Variants in IZUMO3 observed in about 807,000 individuals in gnomAD.
IZUMO3 encodes izumo sperm-egg fusion protein 3.
Under a neutral mutation model 28.4 loss-of-function variants are expected in IZUMO3, and 36 were observed. That is an observed-to-expected ratio of 1.27 (90% CI 0.97 to 1.67). The LOEUF (loss-of-function observed/expected upper bound fraction) is 1.67. Ranked by LOEUF, IZUMO3 falls within the 40% of genes most tolerant of loss-of-function variation. IZUMO3 has a pLI of 0.00. For missense variants in IZUMO3, 387 were observed against 278.5 expected (o/e 1.39, Z -2.77); for synonymous variants, 126 against 99.2 (o/e 1.27, Z -1.61).
rs914777381 is a variant in IZUMO3, at chr9:24,545,790, T to A, written c.-141A>T. 13 of 1,539,902 alleles carry A rather than the reference T, an allele frequency of 8.4e-6. No individual in the cohort carries two copies. Among genetic ancestry groups the A allele is most frequent in the Non-Finnish European group, 1.1e-5 (13 of 1,142,756 alleles). The stretch of plus-strand genomic sequence containing the variant: ...TTTTCCCGCTGTTTCCATCCCACTA[T>A]CGGGCAATCTTTAGTTGTTTAGTTT... On this transcript the variant is annotated 5_prime_UTR_variant, in exon 1 of 7. Transcript: ENST00000543880.
intron 6 of IZUMO3, 68 bp from the exon 7 acceptor site, chr9:24,543,435 A>G (rs1461994246): frequency 1.5e-4 from 11 of 75,516 alleles, no homozygotes; most frequent in Non-Finnish European, 2.5e-4. Context: ...CCAGTTATAC[A>G]TTGTTTTTTT....
intron 4 of IZUMO3, among the ~76,000 whole-genome samples, chr9:24,544,521 A>ACC (rs1472761857): frequency 6.6e-6 from 1 of 152,084 alleles, no homozygotes; most frequent in Non-Finnish European, 1.5e-5. Context: ...TGGGTTGTAA[A>ACC]CCATATGTTA....
chr9:24,544,085 A>T, intron 5 of IZUMO3, 116 bp downstream of exon 5: 1 of 740,734 alleles, frequency 1.4e-6, no homozygotes, highest in East Asian at 2.7e-5. Context: ...TAACACTACC[A>T]TGACCTCCAT....
At chr9:24,544,853 C>T (rs1819548895) in intron 3 of IZUMO3, 93 bp from the exon 4 acceptor site, 1 of 1,367,848 alleles carries the variant, frequency 7.3e-7, no homozygotes, top group Non-Finnish European at 1.0e-6. Context: ...CTTTAAGTTC[C>T]AGTTACCTCT....
At position 24,543,673 on chromosome 9, in the gene IZUMO3, G is replaced by C; in HGVS notation, c.572C>G (p.Ala191Gly). The stretch of plus-strand genomic sequence containing the variant: ...GAGAGAAGAAACTCACAGTAACACA[G>C]CACTTCCCAGTATTACAGCTGTTGC... ...LLATAVILGSAVLLFHFCIFH... is the reference protein window; with the variant it reads ...LLATAVILGSGVLLFHFCIFH... The change falls in exon 6 of 7, where the codon GCT becomes GGT. Residue 191 changes from alanine (A) to glycine (G), a missense_variant. Transcript: ENST00000543880. 1.3e-6 allele frequency: 2 copies of C among 1,544,442 alleles called. No homozygotes were observed. Among genetic ancestry groups the C allele is most frequent in the Non-Finnish European group, 8.8e-7 (1 of 1,141,742 alleles).
At chr9:24,544,582 G>A (rs1465470662) in intron 4 of IZUMO3, among the ~76,000 whole-genome samples, 161 bp downstream of exon 4, 2 of 152,100 alleles carry the variant, frequency 1.3e-5, no homozygotes, top group Admixed American at 6.6e-5. Flanking sequence ...GATTTCATGA[G>A]CTAGGTTTCG....
intron 5 of IZUMO3, 130 bp from the exon 6 acceptor site, chr9:24,543,884 T>A: frequency 1.5e-6 from 1 of 663,682 alleles, no homozygotes; most frequent in Non-Finnish European, 2.6e-6. Context: ...TGTTCCATGC[T>A]TATTTTGACC....
At position 24,543,178 on chromosome 9, in the gene IZUMO3, G is replaced by C. The variant is rs1819488116; in HGVS notation, c.*51C>G. ...GGTTTACCTCCCAGTTTTGTACTTA[G>C]AGTCAACACTTAAGAGAATCATGAA... On this transcript the variant is annotated 3_prime_UTR_variant, in exon 7 of 7. Coordinates refer to ENST00000543880, the MANE Select transcript of IZUMO3 (RefSeq NM_001365008.2). 1 of 1,436,538 alleles carries C rather than the reference G, an allele frequency of 7.0e-7. No individual in the cohort carries two copies. The highest frequency in any genetic ancestry group is 2.6e-5 in the East Asian group (1 of 37,818). 89.0% of individuals were successfully genotyped at this position (1,436,538 alleles called of 1,614,324 possible). A position where few individuals can be genotyped will look rare whatever the true frequency, so the allele number is the denominator to read the frequency against.
chr9:24,545,009 G>A lies in IZUMO3; in HGVS notation c.354C>T (p.Ser118=). Residue 118 remains serine (S), a synonymous_variant, in exon 3 of 7, where the codon TCC becomes TCT. Transcript: ENST00000543880. ...AGTTCTTTAGTAATTCTTTCAGTTT[G>A]GATTCCAGGTTTTGGCAGACATCGA... ...KLLDVCQNLE[S]KLKELLKNFS... 1 of 1,550,572 alleles carries A rather than the reference G, an allele frequency of 6.4e-7. No homozygotes were observed. The highest frequency in any genetic ancestry group is 8.7e-7 in the Non-Finnish European group (1 of 1,146,854).
rs1819549599 is a variant in IZUMO3, at chr9:24,544,881, C to G, written c.391+91G>C. On this transcript the variant is annotated intron_variant, in intron 3 of 6. Transcript: ENST00000543880. ...TTACCTCTCCACCCATTCTAAATAA[C>G]TCTATTATGAACTTGCATTTCTTCC... 4 of 1,326,826 alleles carry G rather than the reference C, an allele frequency of 3.0e-6. No individual in the cohort carries two copies. The South Asian group carries it at 3.8e-5, about 13-fold the overall frequency. 82.2% of individuals were successfully genotyped at this position (1,326,826 alleles called of 1,614,324 possible).
Position 24,543,271 on chromosome 9 carries a change from C to G in IZUMO3, c.678G>C (p.Lys226Asn). ...AGTCTTTCTCCTCCTTCTCATCTATCTTCCCCATTAATTCTTCAAGTTTCT... is the reference window on the plus strand; with the variant it reads ...AGTCTTTCTCCTCCTTCTCATCTATGTTCCCCATTAATTCTTCAAGTTTCT... The part of the protein sequence containing the change: ...VEKKLEELMG[K>N]IDEKEEKDFR... The change falls in exon 7 of 7, where the codon AAG becomes AAC. Residue 226 changes from lysine (K) to asparagine (N), a missense_variant. Physicochemically the swap from Lys to Asn is moderately conservative, Grantham distance 94. Coordinates refer to ENST00000543880, the MANE Select transcript of IZUMO3 (RefSeq NM_001365008.2). 6.5e-7 allele frequency: 1 copy of G among 1,548,126 alleles called. No individual in the cohort carries two copies. Among genetic ancestry groups the G allele is most frequent in the East Asian group, 2.5e-5 (1 of 40,730 alleles).
At position 24,543,217 on chromosome 9, in the gene IZUMO3, A is replaced by C. The variant is rs1300195632; in HGVS notation, c.*12T>G. The C allele has an allele frequency of 4.6e-6, 7 of 1,536,710 alleles. No individual in the cohort carries two copies. Among genetic ancestry groups the C allele is most frequent in the Non-Finnish European group, 6.1e-6 (7 of 1,140,214 alleles). On this transcript the variant is annotated 3_prime_UTR_variant, in exon 7 of 7. Coordinates refer to ENST00000543880, the MANE Select transcript of IZUMO3 (RefSeq NM_001365008.2). The stretch of plus-strand genomic sequence containing the variant: ...GAGAATCATGAAAGACTTCTTGTCC[A>C]TGTTGATGTGTTTATTTTCTGAGTC...
rs934277687 is a variant in IZUMO3, at chr9:24,543,672, A to C, written c.573T>G (p.Ala191=). ...LLATAVILGS[A]VLLFHFCIFH... is the part of the protein sequence containing the mutation. Reference sequence around the variant, plus strand: ...GGAGAGAAGAAACTCACAGTAACACAGCACTTCCCAGTATTACAGCTGTTG... The same window carrying C: ...GGAGAGAAGAAACTCACAGTAACACCGCACTTCCCAGTATTACAGCTGTTG... Residue 191 remains alanine, a synonymous_variant, in exon 6 of 7, where the codon GCT becomes GCG. Coordinates refer to ENST00000543880, the MANE Select transcript of IZUMO3 (RefSeq NM_001365008.2). 3.2e-6 allele frequency: 5 copies of C among 1,543,008 alleles called. No individual in the cohort carries two copies. The highest frequency in any genetic ancestry group is 4.4e-6 in the Non-Finnish European group (5 of 1,140,420).
chr9:24,545,029 C>G lies in IZUMO3; in HGVS notation c.334G>C (p.Val112Leu). The change falls in exon 3 of 7, where the codon GTC becomes CTC. Residue 112 changes from valine (V) to leucine (L), a missense_variant. By Grantham distance (32) the Val-to-Leu change is conservative. Coordinates refer to ENST00000543880, the MANE Select transcript of IZUMO3 (RefSeq NM_001365008.2). ...VFIYQGKLLD[V>L]CQNLESKLKE... ...AGTTTGGATTCCAGGTTTTGGCAGA[C>G]ATCGAGAAGCTTGCCTTGATAGATA... The G allele has an allele frequency of 6.4e-7, 1 of 1,550,734 alleles. No individual in the cohort carries two copies. The highest frequency in any genetic ancestry group is 8.7e-7 in the Non-Finnish European group (1 of 1,146,908).
Position 24,544,966 on chromosome 9 carries a change from A to G in IZUMO3, c.391+6T>C. 6.5e-7 allele frequency: 1 copy of G among 1,540,572 alleles called. No individual in the cohort carries two copies. ...TCAGTGCTGTTATATAGAAAGTTTT[A>G]CTTACCAATTTCAGAGAAGTTCTTT... On this transcript the variant is annotated splice_donor_region_variant and intron_variant, in intron 3 of 6. Transcript: ENST00000543880.
chr9:24,543,517 C>G, intron 6 of IZUMO3, 147 bp downstream of exon 6: 1 of 576,488 alleles, frequency 1.7e-6, no homozygotes, highest in Non-Finnish European at 2.4e-6. Context: ...ATTATCCCGT[C>G]AAACTTTGCA....
chr9:24,544,510 A>T (rs374071840), intron 4 of IZUMO3, among the ~76,000 whole-genome samples: 18 of 152,244 alleles, frequency 1.2e-4, no homozygotes, highest in African/African-American at 4.1e-4. Context: ...TACTGGGGCA[A>T]TGGGTTGTAA....
intron 4 of IZUMO3, 109 bp from the exon 5 acceptor site, chr9:24,544,390 A>G (rs1297056789): frequency 1.3e-6 from 1 of 795,612 alleles, no homozygotes; most frequent in Non-Finnish European, 2.1e-6. Context: ...AGGACTCTCA[A>G]GTTTGCATTG....
rs1819557599 is a variant in IZUMO3, at chr9:24,545,053, T to G, written c.310A>C (p.Ile104Leu). 6.5e-7 allele frequency: 1 copy of G among 1,548,566 alleles called. No individual in the cohort carries two copies. Among genetic ancestry groups the G allele is most frequent in the African/African-American group, 1.4e-5 (1 of 72,962 alleles). Residue 104 changes from isoleucine to leucine, a missense_variant, in exon 3 of 7, where the codon ATC becomes CTC. Ile to Leu is a conservative substitution (Grantham distance 5). Transcript: ENST00000543880. ...LGNETWKGVFIYQGKLLDVCQ... is the reference protein window; with the variant it reads ...LGNETWKGVFLYQGKLLDVCQ... ...ACATCGAGAAGCTTGCCTTGATAGATAAAGACACCTAAGAGGGAGTGGAAG... is the reference window on the plus strand; with the variant it reads ...ACATCGAGAAGCTTGCCTTGATAGAGAAAGACACCTAAGAGGGAGTGGAAG...
Sources: allele counts gnomAD v4.1 joint callset (sites outside exome capture counted in the v4.1 genomes callset), GRCh38; gene constraint gnomAD v4.1.1; transcripts MANE v1.5; gene names NCBI Gene and HGNC (gene_info 2026-07-23, HGNC 2026-07-21).